The following CSMD3 variants were observed in gnomAD, a reference collection of about 807,000 sequenced individuals.
CSMD3 encodes the protein CUB and Sushi multiple domains 3, also known as CUB and sushi domain-containing protein 3.
CSMD3 carries 177 observed loss-of-function variants against 435.2 expected under a neutral mutation model. The observed-to-expected ratio is 0.41, with a 90% CI of 0.36 to 0.46. CSMD3 has a LOEUF of 0.46. Ranked by LOEUF, CSMD3 falls within the 20% of genes least tolerant of loss-of-function variation. The pLI is 0.34. For missense variants in CSMD3, 4,265 were observed against 4,504.6 expected, an observed-to-expected ratio of 0.95 and a Z score of 1.52; for synonymous variants, 1,656 against 1,520.5, an observed-to-expected ratio of 1.09 and a Z score of -2.07.
chr8:112,323,032 C>T (rs1379483798), intron 45 of CSMD3, among the ~76,000 whole-genome samples: 3 of 151,886 alleles, frequency 2.0e-5, no homozygotes, highest in African/African-American at 4.8e-5. Flanking sequence ...GAAATAGAAA[C>T]AATTGAGTGT....
chr8:113,433,102 C>T (rs1212132110), intron 1 of CSMD3, among the ~76,000 whole-genome samples: 1 of 152,044 alleles, frequency 6.6e-6, no homozygotes, highest in Admixed American at 6.5e-5. Flanking sequence ...AGGAGGGGGC[C>T]CTGACTCAAA....
chr8:112,724,089 GA>G (rs1329710383), intron 13 of CSMD3, among the ~76,000 whole-genome samples: 3 of 151,950 alleles, frequency 2.0e-5, no homozygotes, highest in South Asian at 2.1e-4. Flanking sequence ...TGCTATGGAT[GA>G]AAAAAATGAA....
Position 112,301,804 on chromosome 8 carries a change from G to T in CSMD3, c.8429C>A (p.Thr2810Asn). Reference sequence around the variant, plus strand: ...TTAAAAATCTGTACCTAGGCATCTGGTTTCAGATTCACTCCAAAGACCTGA... The same window carrying T: ...TTAAAAATCTGTACCTAGGCATCTGTTTTCAGATTCACTCCAAAGACCTGA... Reference protein sequence around the residue: ...LSSGLWSESETRCLAGHCGIP... With the variant: ...LSSGLWSESENRCLAGHCGIP... The change falls in exon 53 of 71, where the codon ACC (threonine) becomes AAC (asparagine). Residue 2810 changes from threonine to asparagine, a missense_variant. This residue lies in a region of CSMD3 where 3,255 missense variants were observed against 3,380.2 expected (regional missense o/e 0.96). Transcript: ENST00000297405. 6.2e-7 allele frequency: 1 copy of T among 1,613,592 alleles called. No homozygotes were observed. Among genetic ancestry groups the T allele is most frequent in the Middle Eastern group, 1.6e-4 (1 of 6,062 alleles).
intron 10 of CSMD3, among the ~76,000 whole-genome samples, chr8:112,907,351 G>A (rs1312794401): frequency 6.6e-6 from 1 of 151,450 alleles, no homozygotes; most frequent in Non-Finnish European, 1.5e-5. Flanking sequence ...ACTCTTCAGT[G>A]TTTTGTGCTC....
chr8:113,274,870 AGCAG>A (rs1488096384), intron 3 of CSMD3, among the ~76,000 whole-genome samples: 1 of 137,104 alleles, frequency 7.3e-6, no homozygotes, highest in Non-Finnish European at 1.6e-5. Context: ...AAAGGAAGGA[AGCAG>A]GGAGGGAGGG....
At position 113,139,428 on chromosome 8, in the gene CSMD3, A is replaced by G. The variant is rs150667927; in HGVS notation, c.709+34294T>C. 8.3e-3 allele frequency among the ~76,000 whole-genome samples: 1,257 copies of G among 151,080 alleles called. 16 individuals are homozygous for G. Among genetic ancestry groups the G allele is most frequent in the African/African-American group, 0.028 (1,179 of 41,400 alleles). Reference sequence around the variant, plus strand: ...GGTATAAAGGGATATAAGGAGAGGTAAAGTTTTTGCAATTCAGCTGAACTG... The same window carrying G: ...GGTATAAAGGGATATAAGGAGAGGTGAAGTTTTTGCAATTCAGCTGAACTG... On this transcript the variant is annotated intron_variant, in intron 4 of 70. Coordinates refer to ENST00000297405, the MANE Select transcript of CSMD3 (RefSeq NM_198123.2).
chr8:112,741,069 T>C (rs369161100), intron 13 of CSMD3, among the ~76,000 whole-genome samples: 2 of 151,944 alleles, frequency 1.3e-5, no homozygotes, highest in East Asian at 3.9e-4. Flanking sequence ...GACAGAACTG[T>C]AGTGAACTTC....
intron 45 of CSMD3, among the ~76,000 whole-genome samples, chr8:112,329,746 T>C (rs2130917175): frequency 6.6e-6 from 1 of 152,314 alleles, no homozygotes; most frequent in East Asian, 1.9e-4. Flanking sequence ...CAACTGGGCA[T>C]ATACATACAG....
At chr8:112,935,663 G>A (rs1261762636) in intron 9 of CSMD3, among the ~76,000 whole-genome samples, 1 of 151,566 alleles carries the variant, frequency 6.6e-6, no homozygotes, top group Non-Finnish European at 1.5e-5. Flanking sequence ...GACTGGATTA[G>A]AGTGGGAAAT....
intron 3 of CSMD3, among the ~76,000 whole-genome samples, chr8:113,263,454 C>T (rs2093443314): frequency 6.6e-6 from 1 of 151,830 alleles, no homozygotes; most frequent in Non-Finnish European, 1.5e-5. Flanking sequence ...ACATCATATC[C>T]TTCAAAATGT....
At chr8:113,207,648 G>A (rs1446236661) in intron 3 of CSMD3, among the ~76,000 whole-genome samples, 1 of 152,038 alleles carries the variant, frequency 6.6e-6, no homozygotes, top group African/African-American at 2.4e-5. Context: ...CTCCCAAAGT[G>A]CTGGGATTAC....
chr8:113,154,471 C>A (rs1175279370), intron 4 of CSMD3, among the ~76,000 whole-genome samples: 1 of 151,902 alleles, frequency 6.6e-6, no homozygotes, highest in East Asian at 1.9e-4. Context: ...CTCTGAAATT[C>A]ATTTTAACTC....
chr8:113,334,547 G>T (rs1209094985), intron 1 of CSMD3, among the ~76,000 whole-genome samples: 1 of 151,776 alleles, frequency 6.6e-6, no homozygotes, highest in Non-Finnish European at 1.5e-5. Context: ...TTATGTACTG[G>T]ATTTATATGG....
intron 60 of CSMD3, among the ~76,000 whole-genome samples, chr8:112,264,422 GAT>G (rs1175979191): frequency 7.2e-5 from 11 of 152,046 alleles, no homozygotes; most frequent in Admixed American, 5.2e-4. Flanking sequence ...GGTTGGATAA[GAT>G]AGAGATGAAA....
At chr8:112,594,103 G>A (rs1399395624) in intron 22 of CSMD3, among the ~76,000 whole-genome samples, 1 of 152,182 alleles carries the variant, frequency 6.6e-6, no homozygotes, top group African/African-American at 2.4e-5. Flanking sequence ...TCCATCTGAG[G>A]TACCGGGTTC....
At chr8:113,356,011 T>C (rs1463346439) in intron 1 of CSMD3, among the ~76,000 whole-genome samples, 1 of 151,334 alleles carries the variant, frequency 6.6e-6, no homozygotes, top group African/African-American at 2.4e-5. Flanking sequence ...TAAACATAAA[T>C]ATCTTTACTC....
At chr8:112,565,272 C>T (rs1364033480) in intron 24 of CSMD3, among the ~76,000 whole-genome samples, 4 of 152,010 alleles carry the variant, frequency 2.6e-5, no homozygotes, top group Non-Finnish European at 5.9e-5. Context: ...CATGGAGGGG[C>T]TTTGTTGCTC....
intron 34 of CSMD3, 139 bp downstream of exon 34, chr8:112,408,179 C>G: frequency 1.5e-6 from 1 of 684,276 alleles, no homozygotes; most frequent in South Asian, 1.6e-5. Flanking sequence ...TGACAGTGAT[C>G]TAGTGATGGT....
intron 3 of CSMD3, among the ~76,000 whole-genome samples, chr8:113,178,218 G>T (rs1254771078): frequency 6.6e-6 from 1 of 151,860 alleles, no homozygotes; most frequent in Admixed American, 6.6e-5. Flanking sequence ...TAGACATTAT[G>T]GGTATAATTC....
Sources: allele counts gnomAD v4.1 joint callset (sites outside exome capture counted in the v4.1 genomes callset), GRCh38; gene constraint gnomAD v4.1.1; regional missense constraint gnomAD v4.1.1; transcripts MANE v1.5; gene names NCBI Gene and HGNC (gene_info 2026-07-23, HGNC 2026-07-21).